Variants in LARGE1 observed in about 807,000 individuals in gnomAD.
The protein encoded by LARGE1 is xylosyl- and glucuronyltransferase LARGE1.
Under a neutral mutation model 87.6 loss-of-function variants are expected in LARGE1, and 43 were observed. That is an observed-to-expected ratio of 0.49 (90% CI 0.38 to 0.63). The LOEUF (loss-of-function observed/expected upper bound fraction) is 0.63. LARGE1 is among the 30% of genes least tolerant of loss of function. The pLI is 0.00. For synonymous variants in LARGE1, 434 were observed against 394.6 expected (o/e 1.10, Z -1.18); for missense variants, 802 against 1,000.2 (o/e 0.80, Z 2.67).
intron 5 of LARGE1, among the ~76,000 whole-genome samples, chr22:33,587,136 G>A (rs926081065): frequency 3.9e-5 from 6 of 152,094 alleles, no homozygotes; most frequent in African/African-American, 1.4e-4. Flanking sequence ...AAATGATTTG[G>A]AAAAGCTTCA....
At chr22:33,177,292 C>T (rs1922927642) in intron 11 of LARGE1, among the ~76,000 whole-genome samples, 1 of 151,880 alleles carries the variant, frequency 6.6e-6, no homozygotes, top group African/African-American at 2.4e-5. Context: ...TACCCCAGAA[C>T]TTAAAATATA....
intron 12 of LARGE1, among the ~76,000 whole-genome samples, chr22:33,298,635 C>T (rs145191999): frequency 6.6e-6 from 1 of 152,202 alleles, no homozygotes; most frequent in African/African-American, 2.4e-5. Flanking sequence ...CTAGCCTGGA[C>T]AATAGGGTCT....
At chr22:33,169,093 T>C (rs1922423204) in intron 11 of LARGE1, among the ~76,000 whole-genome samples, 1 of 152,168 alleles carries the variant, frequency 6.6e-6, no homozygotes, top group Non-Finnish European at 1.5e-5. Flanking sequence ...ATGTGAGCAA[T>C]GACTCCATTT....
intron 6 of LARGE1, among the ~76,000 whole-genome samples, chr22:33,548,469 G>A (rs2077430682): frequency 6.6e-6 from 1 of 152,010 alleles, no homozygotes; most frequent in Non-Finnish European, 1.5e-5. Flanking sequence ...AGGCTGGAGT[G>A]CAATGGCTCA....
At chr22:33,771,400 T>C (rs1312242430) in intron 1 of LARGE1, among the ~76,000 whole-genome samples, 1 of 152,172 alleles carries the variant, frequency 6.6e-6, no homozygotes, top group East Asian at 1.9e-4. Context: ...CTGGCAGATA[T>C]GTTTCAGTTA....
At chr22:33,090,527 C>T in the LARGE1 span, among the ~76,000 whole-genome samples, 1 of 152,106 alleles carries the variant, frequency 6.6e-6, no homozygotes, top group African/African-American at 2.4e-5. Flanking sequence ...GAGAGTAGCA[C>T]TGGAAAACTT....
intron 9 of LARGE1, among the ~76,000 whole-genome samples, chr22:33,351,382 T>C (rs775437679): frequency 1.8e-4 from 27 of 152,368 alleles, no homozygotes; most frequent in Admixed American, 1.0e-3. Flanking sequence ...GGGGTTTAAA[T>C]GAATCTGGCA....
chr22:33,780,376 A>G (rs1016632477), intron 1 of LARGE1, among the ~76,000 whole-genome samples: 4 of 152,156 alleles, frequency 2.6e-5, no homozygotes, highest in African/African-American at 7.2e-5. Context: ...TGTGAGACAG[A>G]GTCAAAAAGA....
chr22:33,380,057 T>C (rs1010082499), intron 9 of LARGE1, among the ~76,000 whole-genome samples: 2 of 152,234 alleles, frequency 1.3e-5, no homozygotes, highest in African/African-American at 4.8e-5. Flanking sequence ...GCTTATCTTT[T>C]TGGATTCACT....
chr22:33,420,999 C>T (rs1051946307), intron 7 of LARGE1, among the ~76,000 whole-genome samples: 5 of 152,032 alleles, frequency 3.3e-5, no homozygotes, highest in African/African-American at 1.2e-4. Context: ...ACCAGCCCGG[C>T]CAACATGGTG....
At chr22:33,693,154 C>A (rs1205536443) in intron 2 of LARGE1, among the ~76,000 whole-genome samples, 1 of 152,278 alleles carries the variant, frequency 6.6e-6, no homozygotes, top group Non-Finnish European at 1.5e-5. Context: ...GAACAGAAAA[C>A]CAAACACCAC....
At chr22:33,755,869 T>C (rs2084494178) in intron 2 of LARGE1, among the ~76,000 whole-genome samples, 1 of 152,146 alleles carries the variant, frequency 6.6e-6, no homozygotes, top group South Asian at 2.1e-4. Flanking sequence ...CATAGGTAAG[T>C]GGTTAGAAAG....
chr22:33,797,329 A>G (rs953931381), intron 1 of LARGE1, among the ~76,000 whole-genome samples: 1 of 152,040 alleles, frequency 6.6e-6, no homozygotes, highest in Non-Finnish European at 1.5e-5. Flanking sequence ...GGCATTGTTG[A>G]CAGGTATTTT....
the LARGE1 span, among the ~76,000 whole-genome samples, chr22:33,115,167 AC>A: frequency 1.3e-5 from 2 of 151,994 alleles, no homozygotes; most frequent in East Asian, 3.9e-4. Flanking sequence ...TGAAGTTCTG[AC>A]CCCCCATTAT....
intron 13 of LARGE1, among the ~76,000 whole-genome samples, chr22:33,281,786 G>A (rs1029798494): frequency 6.6e-5 from 10 of 152,158 alleles, no homozygotes; most frequent in African/African-American, 2.4e-4. Context: ...CCACTCCTCA[G>A]TTTCTTCATC....
At chr22:33,678,874 T>C (rs1229387617) in intron 2 of LARGE1, among the ~76,000 whole-genome samples, 1 of 152,200 alleles carries the variant, frequency 6.6e-6, no homozygotes, top group African/African-American at 2.4e-5. Context: ...CTTTCCCTGA[T>C]GCGCATCTAA....
At chr22:33,896,066 TC>T (rs1214404524) in intron 1 of LARGE1, among the ~76,000 whole-genome samples, 1 of 152,136 alleles carries the variant, frequency 6.6e-6, no homozygotes, top group Non-Finnish European at 1.5e-5. Context: ...TGAAACTGTC[TC>T]CCCCTTAAAA....
intron 11 of LARGE1, among the ~76,000 whole-genome samples, chr22:33,246,443 C>T (rs567876751): frequency 9.2e-5 from 14 of 152,148 alleles, no homozygotes; most frequent in Admixed American, 5.9e-4. Flanking sequence ...GCCAGGAGTT[C>T]GAGACCAGTC....
chr22:33,761,402 G>A lies in LARGE1; in HGVS notation c.75C>T (p.Thr25=). 1 of 1,613,986 alleles carries A rather than the reference G, an allele frequency of 6.2e-7. No homozygotes were observed. ...AGCTCCCAGAAAACAGGTAAATCCA[G>A]GTGATGGCTGGGATGCAGAGAAGAC... ...SLSLLCIPAI[T]WIYLFSGSFE... Residue 25 remains threonine, a synonymous_variant, in exon 2 of 15, where the codon ACC becomes ACT. Transcript: ENST00000397394.
Sources: gnomAD v4.1 joint callset for allele counts (sites outside exome capture counted in the v4.1 genomes callset) on GRCh38, gnomAD v4.1.1 for gene constraint, MANE v1.5 for transcripts, NCBI Gene and HGNC (gene_info 2026-07-23, HGNC 2026-07-21) for gene names.